The following GLMN variants were observed in gnomAD, a reference collection of about 807,000 sequenced individuals.
GLMN encodes glomulin, FKBP associated protein, also known as glomulin.
A neutral mutation model predicts 87.8 loss-of-function variants in GLMN; 75 were observed. The observed-to-expected ratio is 0.85, with a 90% CI of 0.71 to 1.04. GLMN has a LOEUF of 1.04. Ranked by LOEUF, GLMN falls within the 50% of genes least tolerant of loss-of-function variation. The probability of loss-of-function intolerance (pLI) is 0.00; values close to 1 mark genes in which losing one functional copy is unlikely to be tolerated. For synonymous variants in GLMN, 206 were observed against 221.6 expected (o/e 0.93, Z 0.63); for missense variants, 588 against 658.8 (o/e 0.89, Z 1.18).
the GLMN span, among the ~76,000 whole-genome samples, chr1:92,318,259 G>A: frequency 2.0e-5 from 3 of 152,142 alleles, no homozygotes; most frequent in Non-Finnish European, 2.9e-5. Flanking sequence ...GACCATTAGC[G>A]CTTTAGATAA....
At chr1:92,367,636 A>T in the GLMN span, among the ~76,000 whole-genome samples, 7 of 152,230 alleles carry the variant, frequency 4.6e-5, no homozygotes, top group Non-Finnish European at 1.0e-4. Flanking sequence ...CTACTGCAGC[A>T]GAACTCTGCA....
At chr1:92,324,732 G>T in the GLMN span, among the ~76,000 whole-genome samples, 1 of 151,962 alleles carries the variant, frequency 6.6e-6, no homozygotes, top group African/African-American at 2.4e-5. Context: ...CATGGGGTCT[G>T]TGTGTGTGTG....
At chr1:92,329,060 G>A in the GLMN span, among the ~76,000 whole-genome samples, 1 of 152,210 alleles carries the variant, frequency 6.6e-6, no homozygotes, top group Non-Finnish European at 1.5e-5. Context: ...AGTGGACTCT[G>A]TGAGGGTCCT....
At chr1:92,304,304 A>G in the GLMN span, 1 of 1,504,590 alleles carries the variant, frequency 6.6e-7, no homozygotes, top group East Asian at 2.3e-5. Flanking sequence ...AGAAATATAA[A>G]ATTTCTACCA....
chr1:92,317,089 CTAAA>C, the GLMN span, among the ~76,000 whole-genome samples: 2 of 152,128 alleles, frequency 1.3e-5, no homozygotes, highest in Non-Finnish European at 2.9e-5. Context: ...TTTTCTAACA[CTAAA>C]TAGAGGCAAC....
At chr1:92,295,250 ATTC>A (rs142750771) in intron 3 of GLMN, among the ~76,000 whole-genome samples, 20,208 of 151,094 alleles carry the variant, frequency 0.13, 1,792 homozygotes, top group Non-Finnish European at 0.19. Context: ...TGTTTCTTAA[ATTC>A]TTCAAGATGG....
At chr1:92,352,910 A>G in the GLMN span, among the ~76,000 whole-genome samples, 1 of 152,142 alleles carries the variant, frequency 6.6e-6, no homozygotes, top group Non-Finnish European at 1.5e-5. Context: ...ATCTTGACAG[A>G]TTTACCTATT....
intron 6 of GLMN, 98 bp downstream of exon 6, chr1:92,288,816 G>C: frequency 1.3e-6 from 1 of 750,354 alleles, no homozygotes; most frequent in South Asian, 1.5e-5. Flanking sequence ...TCTGAAACTA[G>C]ATTTCTATTT....
chr1:92,279,613 G>A (rs1647732602), intron 7 of GLMN, among the ~76,000 whole-genome samples: 1 of 152,114 alleles, frequency 6.6e-6, no homozygotes, highest in African/African-American at 2.4e-5. Flanking sequence ...TTGGACAGTG[G>A]GTGCAGCCCA....
At chr1:92,351,040 G>T in the GLMN span, among the ~76,000 whole-genome samples, 1 of 152,102 alleles carries the variant, frequency 6.6e-6, no homozygotes, top group Non-Finnish European at 1.5e-5. Flanking sequence ...TAGGCGGGGT[G>T]CAGTGTCTCA....
the GLMN span, chr1:92,333,182 C>A: frequency 2.0e-6 from 1 of 488,248 alleles, no homozygotes; most frequent in East Asian, 3.1e-5. Context: ...AGAAAACTGA[C>A]TCTCCAAAGA....
the GLMN span, among the ~76,000 whole-genome samples, chr1:92,346,088 AATT>A: frequency 8.1e-3 from 1,224 of 152,044 alleles, 7 homozygotes; most frequent in Non-Finnish European, 0.013. Flanking sequence ...AGTGATATGT[AATT>A]ATTCTCTATA....
intron 16 of GLMN, among the ~76,000 whole-genome samples, chr1:92,255,631 T>G (rs1206720785): frequency 6.6e-6 from 1 of 152,138 alleles, no homozygotes; most frequent in African/African-American, 2.4e-5. Context: ...CAGAACTACA[T>G]GGAAACTGAA....
At chr1:92,252,578 C>G (rs1040770737) in intron 16 of GLMN, among the ~76,000 whole-genome samples, 3 of 152,076 alleles carry the variant, frequency 2.0e-5, no homozygotes, top group African/African-American at 7.3e-5. Context: ...AAATTTTTTA[C>G]ATATTCTGTT....
At chr1:92,347,792 T>C in the GLMN span, among the ~76,000 whole-genome samples, 1 of 152,230 alleles carries the variant, frequency 6.6e-6, no homozygotes, top group African/African-American at 2.4e-5. Context: ...GGATATAATG[T>C]AGGGAACCTC....
intron 18 of GLMN, 102 bp from the exon 19 acceptor site, chr1:92,246,748 A>G: frequency 1.3e-6 from 1 of 750,650 alleles, no homozygotes; most frequent in Non-Finnish European, 2.4e-6. Context: ...GGAATATTTA[A>G]GACCAGGTAC....
At chr1:92,281,530 G>A (rs922063011) in intron 7 of GLMN, among the ~76,000 whole-genome samples, 3 of 152,164 alleles carry the variant, frequency 2.0e-5, no homozygotes, top group Non-Finnish European at 4.4e-5. Context: ...AAATGGTAAA[G>A]ACCAGTGACA....
At chr1:92,253,084 C>A (rs1653747810) in intron 16 of GLMN, among the ~76,000 whole-genome samples, 1 of 152,158 alleles carries the variant, frequency 6.6e-6, no homozygotes, top group South Asian at 2.1e-4. Flanking sequence ...TAGAAGTCAT[C>A]CGGCTCTGCA....
chr1:92,251,880 C>T (rs966181646), intron 16 of GLMN, among the ~76,000 whole-genome samples: 8 of 151,858 alleles, frequency 5.3e-5, no homozygotes, highest in Non-Finnish European at 1.2e-4. Context: ...ACTGCAGCCT[C>T]CACCTACTGG....
Sources: allele counts gnomAD v4.1 joint callset (sites outside exome capture counted in the v4.1 genomes callset), GRCh38; gene constraint gnomAD v4.1.1; transcripts MANE v1.5; gene names NCBI Gene and HGNC (gene_info 2026-07-23, HGNC 2026-07-21).